The following IL1RAPL1 variants were observed in gnomAD, a reference collection of about 807,000 sequenced individuals.
IL1RAPL1 encodes the protein interleukin-1 receptor accessory protein-like 1.
In IL1RAPL1, 3 loss-of-function variants were observed where a neutral mutation model predicts 48.4. The ratio of observed to expected loss-of-function variants is 0.06; its 90% CI spans 0.03 to 0.16. The LOEUF is 0.16. Ranked by LOEUF, IL1RAPL1 falls within the 10% of genes least tolerant of loss-of-function variation. The probability of loss-of-function intolerance (pLI) is 1.00; values close to 1 mark genes in which losing one functional copy is unlikely to be tolerated. For synonymous variants in IL1RAPL1, 185 were observed against 187.7 expected (o/e 0.99, Z 0.12); for missense variants, 349 against 530.6 (o/e 0.66, Z 3.36).
At chrX:29,099,705 A>G (rs1199873973) in intron 2 of IL1RAPL1, among the ~76,000 whole-genome samples, 1 of 111,888 alleles carries the variant, frequency 8.9e-6, no homozygotes. Context: ...GCAGCAAATT[A>G]TAGGCATTTG....
intron 3 of IL1RAPL1, among the ~76,000 whole-genome samples, chrX:29,313,611 C>T (rs2147620716): frequency 9.0e-6 from 1 of 111,496 alleles, no homozygotes; most frequent in African/African-American, 3.3e-5. Flanking sequence ...TAAGTGTTGG[C>T]TATTGTTTTA....
chrX:28,706,756 C>T (rs1228103518), intron 1 of IL1RAPL1, among the ~76,000 whole-genome samples: 2 of 111,626 alleles, frequency 1.8e-5, no homozygotes, highest in South Asian at 3.7e-4. Flanking sequence ...CAGTAAGCAA[C>T]ATGTGCCATT....
intron 2 of IL1RAPL1, among the ~76,000 whole-genome samples, chrX:29,221,473 A>G (rs912647623): frequency 1.8e-5 from 2 of 111,123 alleles, no homozygotes; most frequent in East Asian, 2.8e-4. Flanking sequence ...GCATTTTTAT[A>G]TACCCCGTGA....
rs773450634 is a variant in IL1RAPL1, at chrX:29,042,652, G to A, written c.83-240286G>A. Among the ~76,000 whole-genome samples, 5 of 111,379 alleles carry A rather than the reference G, an allele frequency of 4.5e-5. No homozygotes were observed. In the East Asian group the frequency reaches 1.1e-3, roughly 25 times the overall value. ...GTAGGAAAAGTTTTATTGAATTGGA[G>A]AACAACAGAAGACAAAAGCGTTCCT... On this transcript the variant is annotated intron_variant, in intron 2 of 10. Transcript: ENST00000378993.
In IL1RAPL1 at chrX:29,606,280, A is replaced by C. The variant is rs750294972; in HGVS notation, c.704-62150A>C. 3.2e-3 allele frequency among the ~76,000 whole-genome samples: 355 copies of C among 111,830 alleles called. 3 individuals carry two copies. The highest frequency in any genetic ancestry group is 4.9e-3 in the Non-Finnish European group (261 of 53,086). ...TCAGGGTCACAGTGAAAGTCTATGA[A>C]TGAAAAAAAATGTTAAATATTCATA... On this transcript the variant is annotated intron_variant, in intron 5 of 10. Coordinates refer to ENST00000378993, the MANE Select transcript of IL1RAPL1 (RefSeq NM_014271.4).
chrX:28,870,012 T>C, intron 2 of IL1RAPL1, among the ~76,000 whole-genome samples: 1 of 111,848 alleles, frequency 8.9e-6, no homozygotes, highest in Non-Finnish European at 1.9e-5. Flanking sequence ...TCAAGATTCA[T>C]CCGTGGTATA....
intron 5 of IL1RAPL1, among the ~76,000 whole-genome samples, chrX:29,497,818 T>A (rs1180521656): frequency 8.9e-6 from 1 of 111,974 alleles, no homozygotes; most frequent in East Asian, 2.8e-4. Context: ...AACTGCTAAC[T>A]GGTTCATCTT....
intron 2 of IL1RAPL1, among the ~76,000 whole-genome samples, chrX:29,164,766 T>C (rs1929752864): frequency 9.1e-6 from 1 of 110,128 alleles, no homozygotes; most frequent in Admixed American, 9.9e-5. Flanking sequence ...ATTTTTTCTT[T>C]TTTTAAAAAA....
chrX:29,527,604 C>T (rs1935568240), intron 5 of IL1RAPL1, among the ~76,000 whole-genome samples: 1 of 110,140 alleles, frequency 9.1e-6, no homozygotes, highest in Admixed American at 9.7e-5. Context: ...GGATTACAGG[C>T]GTGAGCCGCT....
intron 5 of IL1RAPL1, among the ~76,000 whole-genome samples, chrX:29,411,085 C>T (rs1934137875): frequency 9.0e-6 from 1 of 111,466 alleles, no homozygotes; most frequent in Non-Finnish European, 1.9e-5. Context: ...AGAGACCAGG[C>T]TCAGTGGTTC....
intron 6 of IL1RAPL1, among the ~76,000 whole-genome samples, chrX:29,769,948 A>C (rs902497912): frequency 2.7e-5 from 3 of 111,478 alleles, no homozygotes; most frequent in Non-Finnish European, 3.8e-5. Flanking sequence ...TGGACATTTT[A>C]CCTTCCCAAT....
chrX:29,620,723 T>C (rs890875655), intron 5 of IL1RAPL1, among the ~76,000 whole-genome samples: 23 of 112,064 alleles, frequency 2.1e-4, no homozygotes, highest in Non-Finnish European at 9.4e-5. Flanking sequence ...ACTAGTGGCC[T>C]GGGATAGTTG....
intron 5 of IL1RAPL1, among the ~76,000 whole-genome samples, chrX:29,640,067 G>T (rs1459285675): frequency 8.9e-6 from 1 of 111,972 alleles, no homozygotes; most frequent in Admixed American, 9.5e-5. Flanking sequence ...ACGGAGGTTG[G>T]TGTCATGCTA....
intron 6 of IL1RAPL1, among the ~76,000 whole-genome samples, chrX:29,731,733 G>C (rs763440340): frequency 2.7e-4 from 30 of 112,257 alleles, no homozygotes; most frequent in African/African-American, 9.4e-4. Flanking sequence ...AGCTGGAGGG[G>C]AGTTCTGTCT....
intron 6 of IL1RAPL1, among the ~76,000 whole-genome samples, chrX:29,670,502 C>T (rs985015314): frequency 2.7e-5 from 3 of 111,576 alleles, no homozygotes; most frequent in Admixed American, 1.9e-4. Flanking sequence ...ACAGATAAGT[C>T]GTTTACTAGT....
chrX:28,956,540 C>T (rs1247806087), intron 2 of IL1RAPL1, among the ~76,000 whole-genome samples: 3 of 105,390 alleles, frequency 2.8e-5, no homozygotes, highest in Non-Finnish European at 3.9e-5. Context: ...TTGTCTTTGG[C>T]TCTGTTTATA....
Position 29,838,369 on chromosome X carries a change from C to T in IL1RAPL1, c.779-79095C>T, listed in dbSNP as rs769702080. On this transcript the variant is annotated intron_variant, in intron 6 of 10. Coordinates refer to ENST00000378993, the MANE Select transcript of IL1RAPL1 (RefSeq NM_014271.4). Reference sequence around the variant, plus strand: ...ACATAAAGTGAGGCTGCTATTAATCCCTTCCAACTTGGAATCTCCTCAAGT... The same window carrying T: ...ACATAAAGTGAGGCTGCTATTAATCTCTTCCAACTTGGAATCTCCTCAAGT... Among the ~76,000 whole-genome samples the T allele has an allele frequency of 3.6e-5, 4 of 112,261 alleles. No individual in the cohort carries two copies. In the South Asian group the frequency reaches 1.5e-3, roughly 41 times the overall value.
intron 2 of IL1RAPL1, among the ~76,000 whole-genome samples, chrX:29,158,944 CT>C (rs1929626605): frequency 3.3e-5 from 2 of 61,060 alleles, no homozygotes; most frequent in African/African-American, 6.9e-5. Context: ...CCCCCCCTCC[CT>C]CCCTCTCCCT....
At chrX:29,334,713 C>T (rs1417433655) in intron 3 of IL1RAPL1, among the ~76,000 whole-genome samples, 153 of 106,289 alleles carry the variant, frequency 1.4e-3, no homozygotes, top group Admixed American at 0.012. Context: ...ACATCTCAGA[C>T]GATGGGCGGC....
Sources: gnomAD v4.1 joint callset for allele counts (sites outside exome capture counted in the v4.1 genomes callset) on GRCh38, gnomAD v4.1.1 for gene constraint, MANE v1.5 for transcripts, NCBI Gene and HGNC (gene_info 2026-07-23, HGNC 2026-07-21) for gene names.